The following ACTR3B variants were observed in gnomAD, a reference collection of about 807,000 sequenced individuals.
ACTR3B encodes the protein actin related protein 3B, also known as actin-related protein 3B.
A neutral mutation model predicts 59.0 loss-of-function variants in ACTR3B; 8 were observed. The observed-to-expected ratio is 0.14, with a 90% CI of 0.08 to 0.24. ACTR3B has a LOEUF of 0.24. ACTR3B is among the 10% of genes least tolerant of loss of function. ACTR3B has a pLI of 1.00. For synonymous variants in ACTR3B, 148 were observed against 197.9 expected, an observed-to-expected ratio of 0.75 and a Z score of 2.12; for missense variants, 245 against 552.3, an observed-to-expected ratio of 0.44 and a Z score of 5.58.
chr7:152,796,918 G>C (rs1358644154), intron 2 of ACTR3B, among the ~76,000 whole-genome samples: 1 of 98,750 alleles, frequency 1.0e-5, no homozygotes, highest in Non-Finnish European at 1.8e-5. Context: ...GGTTTTCACC[G>C]TGTTGCCGAG....
Position 152,800,566 on chromosome 7 carries a change from C to A in ACTR3B, c.136C>A (p.Gln46Lys). 1 of 1,613,752 alleles carries A rather than the reference C, an allele frequency of 6.2e-7. No homozygotes were observed. Among genetic ancestry groups the A allele is most frequent in the Non-Finnish European group, 8.5e-7 (1 of 1,179,878 alleles). ...AIRESAKVVD[Q>K]AQRRVLRGVD... is the part of the protein sequence containing the mutation. Reference sequence around the variant, plus strand: ...CAGAGAGTCAGCAAAGGTAGTTGACCAAGCTCAAAGGAGAGTGTTGAGGGG... The same window carrying A: ...CAGAGAGTCAGCAAAGGTAGTTGACAAAGCTCAAAGGAGAGTGTTGAGGGG... The change falls in exon 3 of 12, where the codon CAA (glutamine) becomes AAA (lysine). Residue 46 changes from glutamine to lysine, a missense_variant. Coordinates refer to ENST00000256001, the MANE Select transcript of ACTR3B (RefSeq NM_020445.6).
intron 7 of ACTR3B, among the ~76,000 whole-genome samples, chr7:152,822,100 C>G (rs1796215015): frequency 6.6e-6 from 1 of 152,218 alleles, no homozygotes; most frequent in African/African-American, 2.4e-5. Context: ...ATCAGCTGAC[C>G]CTGTTTCTCT....
intron 1 of ACTR3B, among the ~76,000 whole-genome samples, chr7:152,760,234 C>T (rs1189075716): frequency 6.6e-6 from 1 of 152,190 alleles, no homozygotes; most frequent in African/African-American, 2.4e-5. Flanking sequence ...ACCCGCAGCC[C>T]GGCTCCGGCC....
chr7:152,844,041 T>C (rs928538661), intron 9 of ACTR3B, among the ~76,000 whole-genome samples: 48 of 152,236 alleles, frequency 3.2e-4, no homozygotes, highest in Non-Finnish European at 4.6e-4. Context: ...TTTGCTGAGC[T>C]TGAAATTCTT....
chr7:152,785,114 T>G (rs941072407), intron 2 of ACTR3B, among the ~76,000 whole-genome samples: 2 of 151,936 alleles, frequency 1.3e-5, no homozygotes. Context: ...TATAAAAGGC[T>G]GACCTTGCAC....
chr7:152,854,621 G>A lies in ACTR3B; in HGVS notation c.*68G>A. Reference sequence around the variant, plus strand: ...CAAGTGTCCTTCAGAACCCAGAGAAGGCCGCCGTTCTGTAAATAGCGACGT... The same window carrying A: ...CAAGTGTCCTTCAGAACCCAGAGAAAGCCGCCGTTCTGTAAATAGCGACGT... On this transcript the variant is annotated 3_prime_UTR_variant, in exon 12 of 12. Transcript: ENST00000256001. This position sits in a 1 kb window ranked among gnomAD's most constrained non-coding sequence, Gnocchi z 4.9. 2.6e-6 allele frequency: 4 copies of A among 1,526,820 alleles called. No individual in the cohort carries two copies. The highest frequency in any genetic ancestry group is 4.4e-4 in the Middle Eastern group (2 of 4,562). The allele number at this position is 1,526,820 out of a possible 1,614,324, so 94.6% of individuals were successfully genotyped here. A position where few individuals can be genotyped will look rare whatever the true frequency, so the allele number is the denominator to read the frequency against.
intron 7 of ACTR3B, among the ~76,000 whole-genome samples, chr7:152,822,396 A>G (rs763053220): frequency 1.3e-5 from 2 of 152,178 alleles, no homozygotes; most frequent in Non-Finnish European, 2.9e-5. Flanking sequence ...CTAAGGACAC[A>G]TATCAACACA....
intron 2 of ACTR3B, among the ~76,000 whole-genome samples, chr7:152,796,860 GTTTTTTTTTTTTTTT>G (rs779909545): frequency 2.0e-4 from 11 of 54,736 alleles, no homozygotes; most frequent in South Asian, 9.4e-4. Flanking sequence ...TAGTTTTTGT[GTTTTTTTTTTTTTTT>G]TTTTTTTTTT....
At chr7:152,835,391 A>G (rs569530472) in intron 9 of ACTR3B, among the ~76,000 whole-genome samples, 44 of 152,290 alleles carry the variant, frequency 2.9e-4, no homozygotes, top group East Asian at 7.7e-4. Context: ...AGTGAAGTGA[A>G]TGGTGCAATG....
chr7:152,846,114 G>A (rs1345532700), intron 9 of ACTR3B, among the ~76,000 whole-genome samples: 28 of 152,190 alleles, frequency 1.8e-4, no homozygotes, highest in African/African-American at 6.0e-4. Context: ...GAGCCCCAGC[G>A]CCTGGGCTGC....
rs71182039 is a variant in ACTR3B at position 152,765,109 on chromosome 7, C to CTT, written c.44+5204_44+5205dup. Among the ~76,000 whole-genome samples, 58 of 66,274 alleles carry CTT rather than the reference C, an allele frequency of 8.8e-4. 3 individuals are homozygous for CTT. The highest frequency in any genetic ancestry group is 3.4e-3 in the African/African-American group (54 of 15,996). 43.5% of individuals were successfully genotyped at this position (66,274 alleles called of 152,430 possible). ...TTTGAGACTGGGTCTTACCCTGGCC[C>CTT]TTTTTTTTTTTTTTTTTTTTTTCCG... On this transcript the variant is annotated intron_variant, in intron 1 of 11. Coordinates refer to ENST00000256001, the MANE Select transcript of ACTR3B (RefSeq NM_020445.6).
At position 152,816,616 on chromosome 7, in the gene ACTR3B, T is replaced by C. The variant is rs751479905; in HGVS notation, c.540+28T>C. Reference sequence around the variant, plus strand: ...AAGCAGAATAGTTAATATATAAGTCTCTGTAGGCTTAACACCTGATTCGAG... The same window carrying C: ...AAGCAGAATAGTTAATATATAAGTCCCTGTAGGCTTAACACCTGATTCGAG... On this transcript the variant is annotated intron_variant, in intron 6 of 11. Transcript: ENST00000256001. 2.4e-5 allele frequency: 36 copies of C among 1,530,692 alleles called. No individual in the cohort carries two copies. The East Asian group carries it at 2.5e-4, about 10-fold the overall frequency. 94.8% of individuals were successfully genotyped at this position (1,530,692 alleles called of 1,614,324 possible). A position where few individuals can be genotyped will look rare whatever the true frequency, so the allele number is the denominator to read the frequency against.
At position 152,787,307 on chromosome 7, in the gene ACTR3B, C is replaced by G. The variant is rs551689029; in HGVS notation, c.100+4065C>G. Among the ~76,000 whole-genome samples the G allele has an allele frequency of 2.0e-4, 30 of 152,280 alleles. No homozygotes were observed. In the South Asian group the frequency reaches 6.2e-3, roughly 32 times the overall value. ...AGCACCTTTCATTGCCTGTTCATAT[C>G]TTTGCCCATTTTTCTATTGCATTTT... On this transcript the variant is annotated intron_variant, in intron 2 of 11. Coordinates refer to ENST00000256001, the MANE Select transcript of ACTR3B (RefSeq NM_020445.6).
At chr7:152,798,252 A>T (rs2116718571) in intron 2 of ACTR3B, among the ~76,000 whole-genome samples, 1 of 152,220 alleles carries the variant, frequency 6.6e-6, no homozygotes, top group African/African-American at 2.4e-5. Context: ...GTTGATTGAT[A>T]TTGTGGGTTT....
rs575400176 is a variant in ACTR3B, at chr7:152,771,919, G to A, written c.45-11268G>A. 7.2e-5 allele frequency among the ~76,000 whole-genome samples: 11 copies of A among 152,188 alleles called. No homozygotes were observed. The East Asian group carries it at 1.9e-3, about 27-fold the overall frequency. ...CATCTCTACTAAAAATACAAAATTA[G>A]CCAGGTGTGGTGGTGCATGCCTGTA... On this transcript the variant is annotated intron_variant, in intron 1 of 11. Transcript: ENST00000256001.
Position 152,814,652 on chromosome 7 carries a change from C to A in ACTR3B, c.432+7C>A, listed in dbSNP as rs768763149. The A allele has an allele frequency of 1.2e-6, 2 of 1,608,814 alleles. No homozygotes were observed. The highest frequency in any genetic ancestry group is 1.7e-6 in the Non-Finnish European group (2 of 1,175,736). ...ACTCTACATTGCAGTTCAGGTAAAA[C>A]CAGTTACGTTTGTGATTCCTAAAGC... On this transcript the variant is annotated splice_region_variant and intron_variant, in intron 5 of 11. Transcript: ENST00000256001.
At position 152,854,825 on chromosome 7, in the gene ACTR3B, A is replaced by C; in HGVS notation, c.*272A>C. The C allele has an allele frequency of 2.7e-6, 1 of 372,584 alleles. No individual in the cohort carries two copies. Among genetic ancestry groups the C allele is most frequent in the Admixed American group, 4.4e-5 (1 of 22,840 alleles). 23.1% of individuals were successfully genotyped at this position (372,584 alleles called of 1,614,324 possible). On this transcript the variant is annotated 3_prime_UTR_variant, in exon 12 of 12. Coordinates refer to ENST00000256001, the MANE Select transcript of ACTR3B (RefSeq NM_020445.6). The surrounding 1 kb of genome is among the most constrained non-coding windows in gnomAD (Gnocchi z 4.9). ...TCCGAGCTGCTAGCTGACAAATACA[A>C]TTCTGAAGGAATCCAAATGTGACTT...
chr7:152,780,190 C>A lies in ACTR3B; in HGVS notation c.45-2997C>A, dbSNP rs2689488. Among the ~76,000 whole-genome samples the A allele has an allele frequency of 2.2e-3, 331 of 151,772 alleles. 1 individual carries two copies. The highest frequency in any genetic ancestry group is 0.011 in the South Asian group (55 of 4,800). On this transcript the variant is annotated intron_variant, in intron 1 of 11. Coordinates refer to ENST00000256001, the MANE Select transcript of ACTR3B (RefSeq NM_020445.6). The stretch of plus-strand genomic sequence containing the variant: ...ACATGGTGAAACCCCATCTCTACTA[C>A]AAATACAAAAATTAGCCGGGTGTGG...
chr7:152,848,831 A>AC (rs1284902302), intron 9 of ACTR3B, among the ~76,000 whole-genome samples: 8 of 151,848 alleles, frequency 5.3e-5, no homozygotes, highest in South Asian at 2.1e-4. Context: ...TCCAGCTGCC[A>AC]CCCCCCCGTA....
Sources: allele counts gnomAD v4.1 joint callset (sites outside exome capture counted in the v4.1 genomes callset), GRCh38; gene constraint gnomAD v4.1.1; non-coding constraint Gnocchi (gnomAD v3.1); transcripts MANE v1.5; gene names NCBI Gene and HGNC (gene_info 2026-07-23, HGNC 2026-07-21).